CIBAR1: variants seen among roughly 807,000 people sequenced by gnomAD.
The protein encoded by CIBAR1 is CBY1 interacting BAR domain containing 1.
In CIBAR1, 25 loss-of-function variants were observed where a neutral mutation model predicts 44.0. The observed-to-expected ratio is 0.57, with a 90% CI of 0.41 to 0.79. The LOEUF is 0.79. CIBAR1 is among the 30% of genes least tolerant of loss of function. The probability of loss-of-function intolerance (pLI) is 0.00; values close to 1 mark genes in which losing one functional copy is unlikely to be tolerated. For synonymous variants in CIBAR1, 115 were observed against 119.0 expected (o/e 0.97, Z 0.22); for missense variants, 278 against 344.8 (o/e 0.81, Z 1.53).
chr8:93,721,526 A>AT (rs991972728), intron 7 of CIBAR1, among the ~76,000 whole-genome samples: 12 of 151,646 alleles, frequency 7.9e-5, no homozygotes, highest in East Asian at 5.8e-4. Context: ...TATGTGGTAG[A>AT]TTTTTTTTTA....
chr8:93,721,651 G>A (rs900771149), intron 7 of CIBAR1, among the ~76,000 whole-genome samples: 1 of 152,098 alleles, frequency 6.6e-6, no homozygotes. Context: ...TATAGTGTTT[G>A]TTCAACAACT....
At chr8:93,712,113 A>G (rs1260237814) in intron 6 of CIBAR1, among the ~76,000 whole-genome samples, 2 of 152,252 alleles carry the variant, frequency 1.3e-5, no homozygotes, top group Non-Finnish European at 2.9e-5. Context: ...ACATTGGGCT[A>G]TAATTCACTG....
chr8:93,713,829 A>G (rs968119225), intron 6 of CIBAR1, among the ~76,000 whole-genome samples: 4 of 152,236 alleles, frequency 2.6e-5, no homozygotes, highest in African/African-American at 9.6e-5. Context: ...TCATTGATCT[A>G]TGTGTCTATC....
intron 1 of CIBAR1, 156 bp from the exon 2 acceptor site, chr8:93,701,068 C>G: frequency 6.8e-7 from 1 of 1,474,790 alleles, no homozygotes; most frequent in Admixed American, 2.4e-5. Context: ...GTCAGGACCC[C>G]ATGGAGAGCA....
chr8:93,728,959 A>G lies in CIBAR1; in HGVS notation c.*662A>G, dbSNP rs991485677. 1.3e-5 allele frequency: 2 copies of G among 152,102 alleles called. No individual in the cohort carries two copies. The highest frequency in any genetic ancestry group is 4.1e-4 in the South Asian group (2 of 4,834). The allele number at this position is 152,102 out of a possible 1,614,324, so 9.4% of individuals were successfully genotyped here. On this transcript the variant is annotated 3_prime_UTR_variant, in exon 9 of 9. Coordinates refer to ENST00000518322, the MANE Select transcript of CIBAR1 (RefSeq NM_145269.5). ...ATGATACTGCAACTTTTGGAAGGCT[A>G]ATTTGGTGGAATGTTGCCTCATCAT...
chr8:93,702,084 A>T (rs1267575670), intron 2 of CIBAR1: 1 of 254,466 alleles, frequency 3.9e-6, no homozygotes, highest in East Asian at 1.0e-4. Flanking sequence ...TTTTACTTGT[A>T]TTTATTTTCA....
intron 4 of CIBAR1, chr8:93,707,368 A>G (rs1810635648): frequency 4.9e-6 from 1 of 204,886 alleles, no homozygotes; most frequent in Non-Finnish European, 1.0e-5. Context: ...GAAGCTACAC[A>G]TATCCCGGTT....
At chr8:93,726,270 T>A in intron 7 of CIBAR1, 124 bp from the exon 8 acceptor site, 2 of 775,988 alleles carry the variant, frequency 2.6e-6, no homozygotes, top group Non-Finnish European at 4.0e-6. Context: ...TTTACAATAA[T>A]TGGAATTTTG....
Position 93,728,261 on chromosome 8 carries a change from G to C in CIBAR1, c.834G>C (p.Glu278Asp). ...DQQAEDDEDD[E>D]LDVTEEENFL... The stretch of plus-strand genomic sequence containing the variant: ...AAGCAGAAGATGATGAGGATGACGA[G>C]TTAGATGTTACAGAAGAAGAAAATT... The change falls in exon 9 of 9, where the codon GAG (glutamate) becomes GAC (aspartate). Residue 278 changes from glutamate to aspartate, a missense_variant. This residue lies in a region of CIBAR1 where 93 missense variants were observed against 108.9 expected (regional missense o/e 0.85). Coordinates refer to ENST00000518322, the MANE Select transcript of CIBAR1 (RefSeq NM_145269.5). 6.3e-7 allele frequency: 1 copy of C among 1,595,498 alleles called. No homozygotes were observed. The highest frequency in any genetic ancestry group is 8.5e-7 in the Non-Finnish European group (1 of 1,174,608).
chr8:93,704,914 C>T lies in CIBAR1; in HGVS notation c.336C>T (p.Asp112=). ...AAAAAAATGCCAATTTGCAGGATGA[C>T]CTCAAAGCAACACTCACAGCAAGGA... The part of the protein sequence containing the change: ...YGTIVKMKRD[D]LKATLTARNR... Residue 112 remains aspartate (D), a synonymous_variant, in exon 4 of 9, where the codon GAC becomes GAT. Transcript: ENST00000518322. The T allele has an allele frequency of 1.3e-6, 2 of 1,593,680 alleles. No individual in the cohort carries two copies. The highest frequency in any genetic ancestry group is 1.7e-6 in the Non-Finnish European group (2 of 1,171,550).
chr8:93,714,365 G>A (rs559010043), intron 6 of CIBAR1, among the ~76,000 whole-genome samples: 2 of 152,108 alleles, frequency 1.3e-5, no homozygotes, highest in African/African-American at 4.8e-5. Context: ...TAGTGGATTC[G>A]TTACAATTTT....
At chr8:93,701,940 A>G (rs1810376887) in intron 2 of CIBAR1, 2 of 204,440 alleles carry the variant, frequency 9.8e-6, no homozygotes, top group Admixed American at 5.4e-5. Flanking sequence ...ACAAAATGCT[A>G]TGAATTGTAT....
intron 7 of CIBAR1, among the ~76,000 whole-genome samples, chr8:93,723,028 G>A (rs1220180478): frequency 1.6e-4 from 24 of 151,866 alleles, no homozygotes; most frequent in Admixed American, 1.2e-3. Flanking sequence ...ACGGAGTCTC[G>A]CTCTGTCGCC....
At chr8:93,711,116 A>T (rs1810807758) in intron 6 of CIBAR1, among the ~76,000 whole-genome samples, 1 of 152,170 alleles carries the variant, frequency 6.6e-6, no homozygotes, top group South Asian at 2.1e-4. Flanking sequence ...TAGATTTGAA[A>T]CTTTCTTGGG....
chr8:93,710,990 C>A (rs997453294), intron 6 of CIBAR1, among the ~76,000 whole-genome samples: 1 of 152,082 alleles, frequency 6.6e-6, no homozygotes, highest in African/African-American at 2.4e-5. Context: ...GTAGTAACTA[C>A]ATATCATCAA....
chr8:93,728,272 C>A lies in CIBAR1; in HGVS notation c.845C>A (p.Thr282Lys). The A allele has an allele frequency of 6.3e-7, 1 of 1,588,534 alleles. No individual in the cohort carries two copies. Among genetic ancestry groups the A allele is most frequent in the South Asian group, 1.2e-5 (1 of 85,526 alleles). ...EDDEDDELDV[T>K]EEENFLK ...GATGAGGATGACGAGTTAGATGTTA[C>A]AGAAGAAGAAAATTTTCTTAAGTAA... The change falls in exon 9 of 9, where the codon ACA (threonine) becomes AAA (lysine). Residue 282 changes from threonine (T) to lysine (K), a missense_variant. Physicochemically the swap from Thr to Lys is moderately conservative, Grantham distance 78. Around this residue, in one of 3 missense-constraint regions of CIBAR1, gnomAD observed 93 missense variants for 108.9 expected, o/e 0.85. Coordinates refer to ENST00000518322, the MANE Select transcript of CIBAR1 (RefSeq NM_145269.5).
At chr8:93,709,612 C>A in intron 5 of CIBAR1, 159 bp from the exon 6 acceptor site, 1 of 652,586 alleles carries the variant, frequency 1.5e-6, no homozygotes, top group Non-Finnish European at 2.8e-6. Flanking sequence ...CATGTGCTTA[C>A]ATAGATCATT....
At chr8:93,704,078 A>G (rs1810480026) in intron 3 of CIBAR1, among the ~76,000 whole-genome samples, 1 of 150,178 alleles carries the variant, frequency 6.7e-6, no homozygotes, top group Non-Finnish European at 1.5e-5. Flanking sequence ...AAAAAAAAAG[A>G]AAAGAAATAC....
At chr8:93,717,574 AATC>A (rs1310132018) in intron 6 of CIBAR1, among the ~76,000 whole-genome samples, 2 of 152,138 alleles carry the variant, frequency 1.3e-5, no homozygotes, top group Non-Finnish European at 2.9e-5. Context: ...GTGTTTTTCC[AATC>A]ATCTAGGAAG....
Sources: allele counts gnomAD v4.1 joint callset (sites outside exome capture counted in the v4.1 genomes callset), GRCh38; gene constraint gnomAD v4.1.1; regional missense constraint gnomAD v4.1.1; transcripts MANE v1.5; gene names NCBI Gene and HGNC (gene_info 2026-07-23, HGNC 2026-07-21).